Variants in PTPRT observed in about 807,000 individuals in gnomAD.
PTPRT encodes the protein protein tyrosine phosphatase receptor type T, also known as receptor-type tyrosine-protein phosphatase T.
Under a neutral mutation model 176.8 loss-of-function variants are expected in PTPRT, and 56 were observed. That is an observed-to-expected ratio of 0.32 (90% CI 0.26 to 0.40). The LOEUF (loss-of-function observed/expected upper bound fraction) is 0.40, where lower values mean the gene tolerates loss of function less well. Ranked by LOEUF, PTPRT falls within the 10% of genes least tolerant of loss-of-function variation. The pLI, the probability that PTPRT is intolerant of heterozygous loss-of-function variation, is 1.00. For missense variants in PTPRT, 1,540 were observed against 1,908.2 expected (o/e 0.81, Z 3.60); for synonymous variants, 783 against 739.0 (o/e 1.06, Z -0.96).
rs1215384140 is a variant in PTPRT at position 42,076,862 on chromosome 20, G to A, written c.*4017C>T. On this transcript the variant is annotated 3_prime_UTR_variant, in exon 31 of 31. Coordinates refer to ENST00000373187, the MANE Select transcript of PTPRT (RefSeq NM_007050.6). ...ATGAAGGAATTTTAAGCTTACTGTTGTTTGCTTTGAGCTTTATCCACTGAC... is the reference window on the plus strand; with the variant it reads ...ATGAAGGAATTTTAAGCTTACTGTTATTTGCTTTGAGCTTTATCCACTGAC... 1 of 201,194 alleles carries A rather than the reference G, an allele frequency of 5.0e-6. No homozygotes were observed. Among genetic ancestry groups the A allele is most frequent in the East Asian group, 7.7e-5 (1 of 13,008 alleles). 12.5% of individuals were successfully genotyped at this position (201,194 alleles called of 1,614,324 possible).
chr20:42,460,050 C>A (rs941976419), intron 8 of PTPRT, among the ~76,000 whole-genome samples: 1 of 152,148 alleles, frequency 6.6e-6, no homozygotes, highest in Non-Finnish European at 1.5e-5. Flanking sequence ...GTGGGAAGAA[C>A]AAGTTGAAGG....
chr20:42,098,197 G>C (rs1469453879), intron 27 of PTPRT, among the ~76,000 whole-genome samples: 4 of 152,056 alleles, frequency 2.6e-5, no homozygotes, highest in African/African-American at 9.7e-5. Flanking sequence ...CGGGGAGTTG[G>C]ACAAAGCCCA....
intron 19 of PTPRT, among the ~76,000 whole-genome samples, chr20:42,121,041 T>A (rs1987561180): frequency 6.6e-6 from 1 of 151,694 alleles, no homozygotes; most frequent in African/African-American, 2.4e-5. Flanking sequence ...TTGAGGTAGA[T>A]GAACTGCCTC....
At chr20:42,184,639 C>G (rs1486894036) in intron 16 of PTPRT, among the ~76,000 whole-genome samples, 1 of 145,950 alleles carries the variant, frequency 6.9e-6, no homozygotes, top group Admixed American at 7.1e-5. Flanking sequence ...CCTTCTCTCT[C>G]TCTCTCTCGA....
intron 5 of PTPRT, 44 bp downstream of exon 5, chr20:42,771,391 T>C: frequency 6.5e-7 from 1 of 1,528,184 alleles, no homozygotes; most frequent in Non-Finnish European, 9.1e-7. Flanking sequence ...TCTTTTCCCT[T>C]TCTCATCCTA....
chr20:42,294,250 A>G (rs889806462), intron 12 of PTPRT, among the ~76,000 whole-genome samples: 2 of 152,134 alleles, frequency 1.3e-5, no homozygotes, highest in Non-Finnish European at 2.9e-5. Context: ...TGCTAAAACA[A>G]TTCCTGGTAG....
At chr20:43,129,590 C>T (rs1355020475) in intron 1 of PTPRT, among the ~76,000 whole-genome samples, 1 of 151,718 alleles carries the variant, frequency 6.6e-6, no homozygotes, top group Non-Finnish European at 1.5e-5. Flanking sequence ...CAGCTCCACT[C>T]CCCTCCCCGA....
At chr20:43,074,699 G>T (rs1365715954) in intron 1 of PTPRT, among the ~76,000 whole-genome samples, 2 of 152,130 alleles carry the variant, frequency 1.3e-5, no homozygotes, top group Admixed American at 1.3e-4. Context: ...CTAGTACTTA[G>T]TTTCTCTATC....
chr20:42,171,535 C>G (rs1172945386), intron 16 of PTPRT, among the ~76,000 whole-genome samples: 1 of 152,102 alleles, frequency 6.6e-6, no homozygotes, highest in Non-Finnish European at 1.5e-5. Context: ...TCCTGACACT[C>G]TTAATTGAAG....
At chr20:42,052,414 C>T in the PTPRT span, among the ~76,000 whole-genome samples, 5 of 152,218 alleles carry the variant, frequency 3.3e-5, no homozygotes, top group Non-Finnish European at 7.3e-5. Context: ...AGTGATGTCA[C>T]AAGTTCAATT....
chr20:42,656,646 C>T (rs967401118), intron 7 of PTPRT, among the ~76,000 whole-genome samples: 8 of 152,070 alleles, frequency 5.3e-5, no homozygotes, highest in African/African-American at 9.7e-5. Flanking sequence ...CCAGCAAGGA[C>T]GGTTCCAGGA....
chr20:42,483,818 G>C (rs147549171), intron 7 of PTPRT, among the ~76,000 whole-genome samples: 14 of 152,330 alleles, frequency 9.2e-5, no homozygotes, highest in African/African-American at 3.4e-4. Context: ...CTTGCTTTAC[G>C]GTGCTAAGGC....
chr20:42,695,216 A>C (rs1178646482), intron 6 of PTPRT, among the ~76,000 whole-genome samples: 2 of 152,124 alleles, frequency 1.3e-5, no homozygotes, highest in East Asian at 3.8e-4. Context: ...ACAGAGCAAA[A>C]ATTTTAACTT....
intron 1 of PTPRT, among the ~76,000 whole-genome samples, chr20:43,020,421 G>A (rs1985618079): frequency 6.6e-6 from 1 of 152,030 alleles, no homozygotes; most frequent in South Asian, 2.1e-4. Context: ...AACAGTGCAT[G>A]CATCAGGGAA....
At position 42,693,600 on chromosome 20, in the gene PTPRT, A is replaced by C. The variant is rs1429157268; in HGVS notation, c.860-15441T>G. ...TGATCTGTGATACAGCTGACACTTC[A>C]CTGTGGTAGGAGAAGTGTATTCTCA... is the stretch of plus-strand genomic sequence containing the variant. On this transcript the variant is annotated intron_variant, in intron 6 of 30. Coordinates refer to ENST00000373187, the MANE Select transcript of PTPRT (RefSeq NM_007050.6). 3.9e-5 allele frequency among the ~76,000 whole-genome samples: 6 copies of C among 152,226 alleles called. No individual in the cohort carries two copies. In the South Asian group the frequency reaches 1.2e-3, roughly 32 times the overall value.
chr20:42,874,931 C>T (rs145576366), intron 2 of PTPRT, among the ~76,000 whole-genome samples: 478 of 152,224 alleles, frequency 3.1e-3, no homozygotes, highest in African/African-American at 0.011. Flanking sequence ...TTTCGTTGCT[C>T]AGGCTGGAGG....
intron 7 of PTPRT, among the ~76,000 whole-genome samples, chr20:42,512,224 T>C (rs2071971719): frequency 6.6e-6 from 1 of 152,198 alleles, no homozygotes; most frequent in African/African-American, 2.4e-5. Flanking sequence ...ACTATCAGGA[T>C]ACAGCATGGT....
At chr20:42,988,094 G>A (rs895350407) in intron 1 of PTPRT, among the ~76,000 whole-genome samples, 1 of 152,182 alleles carries the variant, frequency 6.6e-6, no homozygotes, top group Non-Finnish European at 1.5e-5. Flanking sequence ...AACAACATGG[G>A]AGGGATTCTA....
chr20:42,212,416 CAAAAAA>C (rs34652089), intron 15 of PTPRT, among the ~76,000 whole-genome samples: 2 of 90,608 alleles, frequency 2.2e-5, no homozygotes, highest in Non-Finnish European at 4.7e-5. Flanking sequence ...TCTTTTTTCT[CAAAAAA>C]AAAAAAAAAA....
Sources: allele counts gnomAD v4.1 joint callset (sites outside exome capture counted in the v4.1 genomes callset), GRCh38; gene constraint gnomAD v4.1.1; transcripts MANE v1.5; gene names NCBI Gene and HGNC (gene_info 2026-07-23, HGNC 2026-07-21).